EPHA5: variants seen among roughly 807,000 people sequenced by gnomAD.
EPHA5 encodes the protein ephrin type-A receptor 5.
EPHA5 carries 60 observed loss-of-function variants against 105.0 expected under a neutral mutation model. The observed-to-expected ratio is 0.57, with a 90% CI of 0.46 to 0.71. EPHA5 has a LOEUF of 0.71. Ranked by LOEUF, EPHA5 falls within the 30% of genes least tolerant of loss-of-function variation. The pLI is 0.00. For missense variants in EPHA5, 1,218 were observed against 1,274.7 expected, an observed-to-expected ratio of 0.96 and a Z score of 0.68; for synonymous variants, 513 against 449.1, an observed-to-expected ratio of 1.14 and a Z score of -1.80.
chr4:65,413,395 G>T (rs918946662), intron 7 of EPHA5, among the ~76,000 whole-genome samples: 1 of 151,996 alleles, frequency 6.6e-6, no homozygotes, highest in Non-Finnish European at 1.5e-5. Context: ...AGAAGATCTT[G>T]ATTTTCAAAG....
At chr4:65,390,113 C>A (rs74690937) in intron 8 of EPHA5, among the ~76,000 whole-genome samples, 3,562 of 152,016 alleles carry the variant, frequency 0.023, 40 homozygotes, top group Non-Finnish European at 0.028. Context: ...ATCTTGAAAA[C>A]CTCTCTGGCT....
chr4:65,465,559 GGAAGGAAA>G, intron 5 of EPHA5, among the ~76,000 whole-genome samples: 1 of 131,990 alleles, frequency 7.6e-6, no homozygotes, highest in South Asian at 2.5e-4. Context: ...AGGAAGGAAA[GGAAGGAAA>G]GGAAGGAAAG....
At chr4:65,334,430 C>A (rs1271123218) in intron 15 of EPHA5, among the ~76,000 whole-genome samples, 1 of 151,794 alleles carries the variant, frequency 6.6e-6, no homozygotes, top group African/African-American at 2.4e-5. Flanking sequence ...AGAATATAAG[C>A]ATGGAAAGGA....
intron 3 of EPHA5, among the ~76,000 whole-genome samples, chr4:65,598,525 C>T (rs766698794): frequency 1.6e-4 from 24 of 152,074 alleles, no homozygotes; most frequent in Admixed American, 4.6e-4. Context: ...TCCCGCTACT[C>T]CTGCCATCAA....
chr4:65,441,181 G>A lies in EPHA5; in HGVS notation c.1403-20616C>T, dbSNP rs548310718. ...CTATATTAAATTTTTAATACCATCA[G>A]CACCTTTAATAACCTAATATAAAAG... On this transcript the variant is annotated intron_variant, in intron 5 of 16. Coordinates refer to ENST00000613740, the MANE Select transcript of EPHA5 (RefSeq NM_001281766.3). Among the ~76,000 whole-genome samples the A allele has an allele frequency of 2.2e-4, 34 of 151,780 alleles. No homozygotes were observed. The East Asian group carries it at 5.8e-3, about 26-fold the overall frequency.
chr4:65,411,528 C>T (rs1028200087), intron 7 of EPHA5, among the ~76,000 whole-genome samples: 2 of 151,962 alleles, frequency 1.3e-5, no homozygotes, highest in African/African-American at 4.8e-5. Context: ...TCTTACATAC[C>T]TGACTGATAA....
At chr4:65,459,558 A>G (rs1007823078) in intron 5 of EPHA5, among the ~76,000 whole-genome samples, 1 of 151,862 alleles carries the variant, frequency 6.6e-6, no homozygotes, top group East Asian at 1.9e-4. Context: ...GTAACTTGAC[A>G]TACACAGATT....
At chr4:65,351,945 A>T (rs917831086) in intron 12 of EPHA5, among the ~76,000 whole-genome samples, 2 of 152,032 alleles carry the variant, frequency 1.3e-5, no homozygotes, top group East Asian at 1.9e-4. Flanking sequence ...TTTTGATGTG[A>T]TTTAAAAGAA....
chr4:65,538,431 C>T (rs181532580), intron 3 of EPHA5, among the ~76,000 whole-genome samples: 1 of 151,748 alleles, frequency 6.6e-6, no homozygotes, highest in East Asian at 1.9e-4. Flanking sequence ...AAGCAATATC[C>T]CTGAATGTAG....
intron 16 of EPHA5, chr4:65,330,708 A>T (rs1330309132): frequency 1.1e-6 from 1 of 911,744 alleles, no homozygotes; most frequent in African/African-American, 1.8e-5. Context: ...AATCATGTAA[A>T]AATAGTTTTA....
chr4:65,586,334 G>A (rs113505022), intron 3 of EPHA5, among the ~76,000 whole-genome samples: 51 of 151,612 alleles, frequency 3.4e-4, no homozygotes, highest in African/African-American at 1.2e-3. Context: ...ATAATAATTA[G>A]ACAATCTTAA....
intron 3 of EPHA5, among the ~76,000 whole-genome samples, chr4:65,574,679 C>CATATATATATACATATATATACAT (rs10672968): frequency 3.3e-5 from 2 of 61,092 alleles, no homozygotes; most frequent in African/African-American, 1.2e-4. Context: ...CATATATATA[C>CATATATATATACATATATATACAT]ATATATATAC....
At chr4:65,445,333 A>C (rs1251358275) in intron 5 of EPHA5, among the ~76,000 whole-genome samples, 2 of 152,180 alleles carry the variant, frequency 1.3e-5, no homozygotes, top group Non-Finnish European at 1.5e-5. Context: ...TTGAACAAAA[A>C]TATTACATTT....
intron 5 of EPHA5, among the ~76,000 whole-genome samples, chr4:65,438,557 A>G (rs1270441997): frequency 6.6e-6 from 1 of 151,996 alleles, no homozygotes; most frequent in Non-Finnish European, 1.5e-5. Flanking sequence ...GACAGTGAAG[A>G]ACCAAATGGA....
At chr4:65,449,796 C>A (rs752475193) in intron 5 of EPHA5, among the ~76,000 whole-genome samples, 1 of 152,232 alleles carries the variant, frequency 6.6e-6, no homozygotes, top group Non-Finnish European at 1.5e-5. Context: ...AGGTATCACA[C>A]AGGTACCCTT....
At chr4:65,382,747 C>G (rs1719682377) in intron 8 of EPHA5, among the ~76,000 whole-genome samples, 1 of 151,740 alleles carries the variant, frequency 6.6e-6, no homozygotes, top group South Asian at 2.1e-4. Flanking sequence ...GATTGTGGAA[C>G]TCAAACATCA....
chr4:65,362,151 G>A (rs1190866881), intron 11 of EPHA5, among the ~76,000 whole-genome samples: 1 of 151,468 alleles, frequency 6.6e-6, no homozygotes, highest in Non-Finnish European at 1.5e-5. Context: ...ATCACAGAAG[G>A]AATTTGAATG....
chr4:65,352,731 T>A (rs1247241112), intron 12 of EPHA5, among the ~76,000 whole-genome samples: 1 of 151,826 alleles, frequency 6.6e-6, no homozygotes, highest in African/African-American at 2.4e-5. Context: ...TTTCCCTTTT[T>A]ACATTTCTTT....
At chr4:65,398,778 C>T (rs940230737) in intron 8 of EPHA5, among the ~76,000 whole-genome samples, 2 of 152,158 alleles carry the variant, frequency 1.3e-5, no homozygotes, top group Non-Finnish European at 2.9e-5. Flanking sequence ...GAGCTACACA[C>T]TCTGGGTCTC....
Sources: allele counts gnomAD v4.1 joint callset (sites outside exome capture counted in the v4.1 genomes callset), GRCh38; gene constraint gnomAD v4.1.1; transcripts MANE v1.5; gene names NCBI Gene and HGNC (gene_info 2026-07-23, HGNC 2026-07-21).